The following LMCD1 variants were observed in gnomAD, a reference collection of about 807,000 sequenced individuals.
The protein encoded by LMCD1 is LIM and cysteine-rich domains protein 1.
LMCD1 carries 32 observed loss-of-function variants against 42.7 expected under a neutral mutation model. That is an observed-to-expected ratio of 0.75 (90% CI 0.57 to 1.01). The LOEUF (loss-of-function observed/expected upper bound fraction) is 1.01, where lower values mean the gene tolerates loss of function less well. Among genes scored for constraint, LMCD1 ranks in the 50% least tolerant of loss-of-function variants. The pLI is 0.00. For synonymous variants in LMCD1, 178 were observed against 184.9 expected, an observed-to-expected ratio of 0.96 and a Z score of 0.30; for missense variants, 458 against 483.1, an observed-to-expected ratio of 0.95 and a Z score of 0.49.
intron 1 of LMCD1, among the ~76,000 whole-genome samples, chr3:8,507,879 T>C (rs1171217623): frequency 6.6e-6 from 1 of 152,218 alleles, no homozygotes; most frequent in Non-Finnish European, 1.5e-5. Flanking sequence ...CTATGATTAT[T>C]ACTGTGACTT....
intron 1 of LMCD1, among the ~76,000 whole-genome samples, chr3:8,519,772 G>A (rs1694165253): frequency 6.6e-6 from 1 of 151,486 alleles, no homozygotes; most frequent in Non-Finnish European, 1.5e-5. Context: ...AAAGAAAAAG[G>A]AGTCTTTTAT....
intron 4 of LMCD1, among the ~76,000 whole-genome samples, chr3:8,564,022 G>A (rs1156975162): frequency 6.6e-6 from 1 of 152,180 alleles, no homozygotes; most frequent in Non-Finnish European, 1.5e-5. Context: ...AGCCTCAGGA[G>A]ACATGACAGT....
intron 4 of LMCD1, chr3:8,550,656 A>C: frequency 7.1e-6 from 7 of 985,140 alleles, no homozygotes; most frequent in Non-Finnish European, 8.4e-6. Context: ...ATTTCTCAGG[A>C]AGAATACATG....
intron 3 of LMCD1, among the ~76,000 whole-genome samples, chr3:8,540,814 C>T (rs1694611764): frequency 6.6e-6 from 1 of 152,190 alleles, no homozygotes; most frequent in African/African-American, 2.4e-5. Flanking sequence ...ATGTTACAGG[C>T]TCATTTTACA....
At chr3:8,509,091 T>C (rs1693942407) in intron 1 of LMCD1, among the ~76,000 whole-genome samples, 1 of 152,196 alleles carries the variant, frequency 6.6e-6, no homozygotes, top group South Asian at 2.1e-4. Flanking sequence ...TAAACGATAG[T>C]TTAATGAGGT....
chr3:8,501,909 C>T lies in LMCD1; in HGVS notation c.-30C>T, dbSNP rs1260544214. The T allele has an allele frequency of 1.9e-6, 3 of 1,582,346 alleles. No individual in the cohort carries two copies. Among genetic ancestry groups the T allele is most frequent in the Non-Finnish European group, 2.6e-6 (3 of 1,165,604 alleles). On this transcript the variant is annotated 5_prime_UTR_variant, in exon 1 of 6. Coordinates refer to ENST00000157600, the MANE Select transcript of LMCD1 (RefSeq NM_014583.4). Reference sequence around the variant, plus strand: ...CGCCCTCGCGCCTCTGCCTGAGAAGCCAGGCGCTGTTCCCCCACCCCAGAA... The same window carrying T: ...CGCCCTCGCGCCTCTGCCTGAGAAGTCAGGCGCTGTTCCCCCACCCCAGAA...
rs1332006702 is a variant in LMCD1 at position 8,548,870 on chromosome 3, C to T, written c.690C>T (p.Gly230=). Residue 230 remains glycine, a synonymous_variant, in exon 4 of 6, where the codon GGC becomes GGT. Transcript: ENST00000157600. ...AGACCACTGCTGCTACCACCAACGG[C>T]AGTCTCAGTGACCCGTCCAAAGAAG... The part of the protein sequence containing the change: ...GAETTAATTN[G]SLSDPSKEVE... 1 of 1,559,082 alleles carries T rather than the reference C, an allele frequency of 6.4e-7. No individual in the cohort carries two copies. The highest frequency in any genetic ancestry group is 1.2e-5 in the South Asian group (1 of 81,940).
intron 4 of LMCD1, among the ~76,000 whole-genome samples, chr3:8,559,702 T>G (rs940273241): frequency 1.3e-5 from 2 of 152,234 alleles, no homozygotes; most frequent in Non-Finnish European, 2.9e-5. Flanking sequence ...CTCTCGTGGC[T>G]GAGGGACCAC....
chr3:8,554,155 C>G (rs1311518035), intron 4 of LMCD1, among the ~76,000 whole-genome samples: 1 of 152,196 alleles, frequency 6.6e-6, no homozygotes, highest in Non-Finnish European at 1.5e-5. Context: ...AACCATCCTC[C>G]CGCCTCAACC....
chr3:8,526,720 A>G (rs1462307458), intron 1 of LMCD1, among the ~76,000 whole-genome samples: 2 of 152,214 alleles, frequency 1.3e-5, no homozygotes, highest in African/African-American at 2.4e-5. Flanking sequence ...CCACACCTTG[A>G]GAACCACTGC....
At chr3:8,513,387 A>G (rs781231664) in intron 1 of LMCD1, among the ~76,000 whole-genome samples, 7 of 152,142 alleles carry the variant, frequency 4.6e-5, no homozygotes, top group Non-Finnish European at 1.0e-4. Flanking sequence ...CCACCTGGCT[A>G]GGATAATTCC....
At position 8,571,862 on chromosome 3, in the gene LMCD1, A is replaced by T. The variant is rs188973511; in HGVS notation, c.*4264A>T. 1.5e-3 allele frequency: 230 copies of T among 152,352 alleles called. 2 individuals are homozygous for T. The highest frequency in any genetic ancestry group is 5.5e-3 in the African/African-American group (229 of 41,594). The allele number at this position is 152,352 out of a possible 1,614,324, so 9.4% of individuals were successfully genotyped here. A position where few individuals can be genotyped will look rare whatever the true frequency, so the allele number is the denominator to read the frequency against. Reference sequence around the variant, plus strand: ...AGCTATTAGAGGGTGTTGCTGACACAATGCTTTATCACTCTTGAATATTTT... The same window carrying T: ...AGCTATTAGAGGGTGTTGCTGACACTATGCTTTATCACTCTTGAATATTTT... On this transcript the variant is annotated 3_prime_UTR_variant, in exon 6 of 6. Transcript: ENST00000157600.
At chr3:8,511,479 G>A (rs1049902704) in intron 1 of LMCD1, among the ~76,000 whole-genome samples, 8 of 152,190 alleles carry the variant, frequency 5.3e-5, no homozygotes, top group South Asian at 4.1e-4. Context: ...GACCTTGATC[G>A]GGGTACATGT....
At chr3:8,517,604 C>T (rs11706813) in intron 1 of LMCD1, among the ~76,000 whole-genome samples, 9,656 of 152,218 alleles carry the variant, frequency 0.063, 429 homozygotes, top group Non-Finnish European at 0.1. Flanking sequence ...ATCTTTCTCT[C>T]ATTTCAGTTC....
At chr3:8,514,355 C>G (rs1243063361) in intron 1 of LMCD1, among the ~76,000 whole-genome samples, 2 of 152,146 alleles carry the variant, frequency 1.3e-5, no homozygotes, top group African/African-American at 4.8e-5. Flanking sequence ...TAAGTACCAA[C>G]AGGACAGAGT....
intron 4 of LMCD1, among the ~76,000 whole-genome samples, chr3:8,552,098 G>C (rs929615775): frequency 6.6e-6 from 1 of 152,164 alleles, no homozygotes; most frequent in Non-Finnish European, 1.5e-5. Flanking sequence ...CATCTTAATC[G>C]TGTTCGTTGT....
intron 4 of LMCD1, among the ~76,000 whole-genome samples, chr3:8,562,703 T>C (rs988222641): frequency 7.9e-5 from 12 of 152,206 alleles, no homozygotes; most frequent in African/African-American, 2.9e-4. Flanking sequence ...CTCCATTCCC[T>C]TACCCTGTGA....
intron 1 of LMCD1, chr3:8,515,015 A>G (rs770811103): frequency 2.2e-6 from 1 of 456,934 alleles, no homozygotes; most frequent in South Asian, 1.5e-5. Flanking sequence ...CCTTTGAAGT[A>G]CTGTTAGATA....
chr3:8,523,774 T>C (rs1274809229), intron 1 of LMCD1, among the ~76,000 whole-genome samples: 2 of 152,170 alleles, frequency 1.3e-5, no homozygotes, highest in African/African-American at 4.8e-5. Flanking sequence ...TAAGAGCAAA[T>C]AGACTGGAAA....
Sources: allele counts gnomAD v4.1 joint callset (sites outside exome capture counted in the v4.1 genomes callset), GRCh38; gene constraint gnomAD v4.1.1; transcripts MANE v1.5; gene names NCBI Gene and HGNC (gene_info 2026-07-23, HGNC 2026-07-21).